The following SCN10A variants were observed in gnomAD, a reference collection of about 807,000 sequenced individuals.
SCN10A encodes sodium voltage-gated channel alpha subunit 10.
A neutral mutation model predicts 170.7 loss-of-function variants in SCN10A; 162 were observed. The ratio of observed to expected loss-of-function variants is 0.95; its 90% CI spans 0.84 to 1.08. The LOEUF (loss-of-function observed/expected upper bound fraction) is 1.08. Ranked by LOEUF, SCN10A falls within the 50% of genes least tolerant of loss-of-function variation. The probability of loss-of-function intolerance (pLI) is 0.00; values close to 1 mark genes in which losing one functional copy is unlikely to be tolerated. For missense variants in SCN10A, 2,527 were observed against 2,436.9 expected, an observed-to-expected ratio of 1.04 and a Z score of -0.78; for synonymous variants, 985 against 904.6, an observed-to-expected ratio of 1.09 and a Z score of -1.59.
intron 15 of SCN10A, among the ~76,000 whole-genome samples, chr3:38,734,959 A>G (rs539693867): frequency 3.9e-5 from 6 of 152,252 alleles, no homozygotes; most frequent in Non-Finnish European, 5.9e-5. Flanking sequence ...TCATGAGGTC[A>G]GGAGATCGAG....
chr3:38,711,915 T>C (rs2063278000), intron 23 of SCN10A, among the ~76,000 whole-genome samples: 1 of 152,216 alleles, frequency 6.6e-6, no homozygotes, highest in African/African-American at 2.4e-5. Flanking sequence ...GATAATCCCA[T>C]GGCAGGCCCA....
At chr3:38,815,299 A>G (rs1425368579) in intron 1 of SCN10A, among the ~76,000 whole-genome samples, 1 of 152,216 alleles carries the variant, frequency 6.6e-6, no homozygotes, top group African/African-American at 2.4e-5. Context: ...TTTCATCACA[A>G]TATCTGAAAA....
chr3:38,745,931 T>A (rs1424940743), intron 13 of SCN10A, among the ~76,000 whole-genome samples: 2 of 151,538 alleles, frequency 1.3e-5, no homozygotes, highest in African/African-American at 4.8e-5. Flanking sequence ...TAGAACTGTG[T>A]CTGAGGCCTT....
At chr3:38,801,666 G>T (rs1364574492) in intron 1 of SCN10A, among the ~76,000 whole-genome samples, 3 of 152,106 alleles carry the variant, frequency 2.0e-5, no homozygotes, top group South Asian at 2.1e-4. Flanking sequence ...ACTCACTGAG[G>T]TCTTAAGAAC....
At chr3:38,788,810 C>A in intron 4 of SCN10A, 146 bp downstream of exon 4, 1 of 579,908 alleles carries the variant, frequency 1.7e-6, no homozygotes, top group Admixed American at 3.0e-5. Context: ...AAGGAGAGAC[C>A]TGGTTATTAC....
intron 21 of SCN10A, among the ~76,000 whole-genome samples, chr3:38,717,572 A>G (rs2063345474): frequency 6.6e-6 from 1 of 152,266 alleles, no homozygotes; most frequent in African/African-American, 2.4e-5. Flanking sequence ...CTGCTAGTGC[A>G]TTGGCATCAG....
intron 14 of SCN10A, among the ~76,000 whole-genome samples, chr3:38,741,395 A>T (rs1319354519): frequency 6.6e-6 from 1 of 152,090 alleles, no homozygotes; most frequent in Admixed American, 6.5e-5. Context: ...TCTGGGTTCA[A>T]ATTCTGATGT....
chr3:38,699,999 A>G (rs1433658036), intron 27 of SCN10A, among the ~76,000 whole-genome samples: 1 of 152,226 alleles, frequency 6.6e-6, no homozygotes, highest in Non-Finnish European at 1.5e-5. Flanking sequence ...CCATCATAGA[A>G]CTAAGTACTT....
chr3:38,723,369 C>T (rs2063415127), intron 19 of SCN10A, 61 bp downstream of exon 19: 19 of 1,604,252 alleles, frequency 1.2e-5, no homozygotes, highest in Non-Finnish European at 1.6e-5. Context: ...TGAGTGTTCG[C>T]TCAACTGGAT....
chr3:38,712,307 C>T lies in SCN10A; in HGVS notation c.3943G>A (p.Asp1315Asn), dbSNP rs147640811. The change falls in exon 23 of 28, where the codon GAT becomes AAT. Residue 1315 changes from aspartate (D) to asparagine (N), a missense_variant. Physicochemically the swap from Asp to Asn is conservative, Grantham distance 23. Coordinates refer to ENST00000449082, the MANE Select transcript of SCN10A (RefSeq NM_006514.4). ...AAAGGTACAAGGGAAAACTCTCCAT[C>T]GGTATAGTTGATGCACCTCCAAAAC... ...GKFWRCINYT[D>N]GEFSLVPLSI... 2.8e-5 allele frequency: 46 copies of T among 1,614,048 alleles called. No homozygotes were observed. Among genetic ancestry groups the T allele is most frequent in the South Asian group, 9.9e-5 (9 of 91,084 alleles).
At chr3:38,717,928 CAT>C (rs1441838695) in intron 21 of SCN10A, among the ~76,000 whole-genome samples, 2 of 152,232 alleles carry the variant, frequency 1.3e-5, no homozygotes, top group Non-Finnish European at 2.9e-5. Context: ...TGAGGAATCA[CAT>C]GTCTGATGTG....
chr3:38,710,647 T>C (rs887957595), intron 24 of SCN10A, among the ~76,000 whole-genome samples, 197 bp downstream of exon 24: 16 of 151,540 alleles, frequency 1.1e-4, no homozygotes, highest in African/African-American at 3.1e-4. Context: ...GGAGTGTAGA[T>C]GAAAGGGGGA....
intron 4 of SCN10A, among the ~76,000 whole-genome samples, chr3:38,776,433 T>C (rs894119036): frequency 6.6e-6 from 1 of 152,092 alleles, no homozygotes; most frequent in African/African-American, 2.4e-5. Context: ...ACAGTAATAA[T>C]GGCAAATGCA....
intron 4 of SCN10A, among the ~76,000 whole-genome samples, chr3:38,779,531 G>T (rs1288632669): frequency 1.3e-5 from 2 of 151,712 alleles, no homozygotes; most frequent in African/African-American, 2.4e-5. Context: ...GTAATTTATT[G>T]CTTTTTATAA....
At chr3:38,751,784 T>A (rs1016306359) in intron 12 of SCN10A, among the ~76,000 whole-genome samples, 2 of 152,216 alleles carry the variant, frequency 1.3e-5, no homozygotes, top group African/African-American at 4.8e-5. Flanking sequence ...TCTATTCAGA[T>A]CTGTCCTAAG....
chr3:38,704,544 A>C (rs2063189940), intron 26 of SCN10A, among the ~76,000 whole-genome samples: 1 of 152,176 alleles, frequency 6.6e-6, no homozygotes, highest in South Asian at 2.1e-4. Flanking sequence ...CTCAGAGACG[A>C]TGAAGTGGGT....
chr3:38,779,217 A>C (rs1034884182), intron 4 of SCN10A, among the ~76,000 whole-genome samples: 1 of 152,130 alleles, frequency 6.6e-6, no homozygotes, highest in African/African-American at 2.4e-5. Flanking sequence ...AATGTCTATC[A>C]ATAGGAAAAT....
At chr3:38,722,156 G>T in intron 20 of SCN10A, 102 bp downstream of exon 20, 1 of 1,169,106 alleles carries the variant, frequency 8.6e-7, no homozygotes, top group Non-Finnish European at 1.2e-6. Flanking sequence ...GGGACTTTCA[G>T]CTCAGTAGTC....
intron 26 of SCN10A, among the ~76,000 whole-genome samples, chr3:38,704,419 G>T (rs144060105): frequency 6.6e-6 from 1 of 152,220 alleles, no homozygotes; most frequent in Non-Finnish European, 1.5e-5. Context: ...GCATCGTTAA[G>T]TGGCTGGGTG....
Sources: allele counts gnomAD v4.1 joint callset (sites outside exome capture counted in the v4.1 genomes callset), GRCh38; gene constraint gnomAD v4.1.1; transcripts MANE v1.5; gene names NCBI Gene and HGNC (gene_info 2026-07-23, HGNC 2026-07-21).